Variants in KLRG1 observed in about 807,000 individuals in gnomAD.
KLRG1 encodes the protein killer cell lectin like receptor G1, also known as killer cell lectin-like receptor subfamily G member 1.
A neutral mutation model predicts 21.8 loss-of-function variants in KLRG1; 16 were observed. That is an observed-to-expected ratio of 0.73 (90% confidence interval 0.50 to 1.11). The LOEUF (loss-of-function observed/expected upper bound fraction) is 1.11. Among genes scored for constraint, KLRG1 ranks in the 50% most tolerant of loss-of-function variants. KLRG1 has a pLI of 0.00. For missense variants in KLRG1, 173 were observed against 218.3 expected (o/e 0.79, Z 1.31); for synonymous variants, 69 against 75.9 (o/e 0.91, Z 0.47).
At chr12:8,977,446 C>T (rs919033648) in intron 1 of KLRG1, among the ~76,000 whole-genome samples, 1 of 146,996 alleles carries the variant, frequency 6.8e-6, no homozygotes, top group Non-Finnish European at 1.5e-5. Context: ...GATCTCCTGA[C>T]CTTGTGATCT....
chr12:9,072,598 G>A, the KLRG1 span: 1 of 1,601,878 alleles, frequency 6.2e-7, no homozygotes, highest in African/African-American at 1.3e-5. Flanking sequence ...GGACTTCTCA[G>A]AGAGAACAGC....
chr12:9,109,527 C>T, the KLRG1 span: 2 of 742,764 alleles, frequency 2.7e-6, no homozygotes, highest in African/African-American at 3.5e-5. Flanking sequence ...TAGCTCTGCT[C>T]TCCAATCTAT....
intron 1 of KLRG1, among the ~76,000 whole-genome samples, chr12:8,956,752 A>G (rs1476358931): frequency 6.6e-6 from 1 of 152,202 alleles, no homozygotes; most frequent in Admixed American, 6.5e-5. Context: ...TGACCTTTGA[A>G]GTTCCGCAGT....
chr12:8,967,316 C>A (rs776246184), intron 1 of KLRG1, among the ~76,000 whole-genome samples: 75 of 151,594 alleles, frequency 4.9e-4, no homozygotes, highest in African/African-American at 1.8e-3. Flanking sequence ...GCATATGTAC[C>A]CTAAAACTTT....
At chr12:9,093,515 G>C in the KLRG1 span, 1 of 1,613,622 alleles carries the variant, frequency 6.2e-7, no homozygotes, top group African/African-American at 1.3e-5. Context: ...ACTTTCGTAC[G>C]GTCTCCGTGT....
the KLRG1 span, among the ~76,000 whole-genome samples, chr12:9,015,828 A>G: frequency 6.6e-6 from 1 of 152,202 alleles, no homozygotes; most frequent in African/African-American, 2.4e-5. Context: ...ACTATAATGG[A>G]AAAAAACTAG....
At chr12:9,213,457 C>A in the KLRG1 span, among the ~76,000 whole-genome samples, 3 of 152,074 alleles carry the variant, frequency 2.0e-5, no homozygotes, top group Admixed American at 2.0e-4. Flanking sequence ...GTATGAACAT[C>A]CCATTTTCTC....
chr12:8,992,708 A>AT (rs1011939413), intron 2 of KLRG1, among the ~76,000 whole-genome samples: 12 of 148,836 alleles, frequency 8.1e-5, no homozygotes, highest in South Asian at 2.1e-4. Flanking sequence ...TATTATTATT[A>AT]TTTTTTTTTT....
At chr12:9,081,060 T>A in the KLRG1 span, among the ~76,000 whole-genome samples, 2 of 152,066 alleles carry the variant, frequency 1.3e-5, no homozygotes, top group African/African-American at 4.8e-5. Context: ...TTAAAACTTT[T>A]GTAAAAAAAC....
At chr12:9,004,039 T>C (rs1266761798) in intron 3 of KLRG1, among the ~76,000 whole-genome samples, 2 of 151,984 alleles carry the variant, frequency 1.3e-5, no homozygotes, top group African/African-American at 2.4e-5. Flanking sequence ...GAACTCATCA[T>C]TTTTTATGGC....
At chr12:8,995,796 C>T (rs977611021) in intron 3 of KLRG1, among the ~76,000 whole-genome samples, 39 of 152,102 alleles carry the variant, frequency 2.6e-4, no homozygotes, top group African/African-American at 8.7e-4. Flanking sequence ...GCTTCTCCTG[C>T]CTCAGCCTCC....
At chr12:9,189,859 G>T in the KLRG1 span, among the ~76,000 whole-genome samples, 1 of 152,100 alleles carries the variant, frequency 6.6e-6, no homozygotes, top group Non-Finnish European at 1.5e-5. Flanking sequence ...TTCAAAAGAA[G>T]ATATACATGT....
the KLRG1 span, among the ~76,000 whole-genome samples, chr12:9,085,737 G>A: frequency 6.6e-6 from 1 of 151,746 alleles, no homozygotes; most frequent in Non-Finnish European, 1.5e-5. Context: ...TAAAAAGACA[G>A]ACAAAAACTT....
chr12:9,070,825 A>ATT, the KLRG1 span, among the ~76,000 whole-genome samples: 1,690 of 145,890 alleles, frequency 0.012, 36 homozygotes, highest in African/African-American at 0.038. Flanking sequence ...GAGGATCTGC[A>ATT]TTTTTTTTTT....
the KLRG1 span, among the ~76,000 whole-genome samples, chr12:9,131,380 A>G: frequency 6.6e-6 from 1 of 152,176 alleles, no homozygotes; most frequent in Non-Finnish European, 1.5e-5. Flanking sequence ...ACAGCTTTCC[A>G]TGTTAGTATA....
the KLRG1 span, among the ~76,000 whole-genome samples, chr12:9,131,136 G>A: frequency 2.6e-5 from 4 of 152,052 alleles, no homozygotes; most frequent in Non-Finnish European, 5.9e-5. Context: ...TATTACGATG[G>A]TTTATTTGTC....
chr12:8,992,199 G>A lies in KLRG1; in HGVS notation c.83-7G>A, dbSNP rs1212339694. Reference sequence around the variant, plus strand: ...CTCAGGATTGTGCTTTGACTCTGTTGTTGCAGCTTCCTCTTCCAGGCCTTC... The same window carrying A: ...CTCAGGATTGTGCTTTGACTCTGTTATTGCAGCTTCCTCTTCCAGGCCTTC... On this transcript the variant is annotated splice_region_variant and splice_polypyrimidine_tract_variant and intron_variant, in intron 1 of 4. Transcript: ENST00000356986. The A allele has an allele frequency of 6.2e-7, 1 of 1,605,394 alleles. No homozygotes were observed. The highest frequency in any genetic ancestry group is 2.2e-5 in the East Asian group (1 of 44,768).
the KLRG1 span, chr12:9,169,680 A>C: frequency 1.2e-5 from 15 of 1,273,430 alleles, no homozygotes; most frequent in African/African-American, 2.3e-4. Context: ...AATTATCACC[A>C]ATCTTTTCTT....
intron 1 of KLRG1, chr12:8,990,208 A>C (rs1208533476): frequency 6.6e-6 from 1 of 151,228 alleles, no homozygotes; most frequent in East Asian, 1.9e-4. Context: ...TTTTAACTTC[A>C]CAGTGTTGCA....
Sources: allele counts gnomAD v4.1 joint callset (sites outside exome capture counted in the v4.1 genomes callset), GRCh38; gene constraint gnomAD v4.1.1; transcripts MANE v1.5; gene names NCBI Gene and HGNC (gene_info 2026-07-23, HGNC 2026-07-21).